The following CFAP43 variants were observed in gnomAD, a reference collection of about 807,000 sequenced individuals.
CFAP43 encodes the protein cilia- and flagella-associated protein 43.
A neutral mutation model predicts 218.9 loss-of-function variants in CFAP43; 155 were observed. The observed-to-expected ratio is 0.71, with a 90% CI of 0.62 to 0.81. The LOEUF is 0.81. Ranked by LOEUF, CFAP43 falls within the 30% of genes least tolerant of loss-of-function variation. CFAP43 has a pLI of 0.00. For missense variants in CFAP43, 1,778 were observed against 1,954.3 expected, an observed-to-expected ratio of 0.91 and a Z score of 1.70; for synonymous variants, 645 against 681.3, an observed-to-expected ratio of 0.95 and a Z score of 0.83.
intron 29 of CFAP43, 79 bp from the exon 30 acceptor site, chr10:104,146,428 G>T: frequency 9.5e-7 from 1 of 1,050,152 alleles, no homozygotes; most frequent in Non-Finnish European, 1.5e-6. Flanking sequence ...ACTAAAAAGA[G>T]CAAGGAATTT....
At position 104,143,512 on chromosome 10, in the gene CFAP43, T is replaced by C; in HGVS notation, c.4072A>G (p.Ile1358Val). Reference protein sequence around the residue: ...LMKAMDELDNISNMPEGLDPL... With the variant: ...LMKAMDELDNVSNMPEGLDPL... ...TCCAAGCCTTCTGGCATGTTACTAATATTGTCCAACTCATCCATAGCTTTC... is the reference window on the plus strand; with the variant it reads ...TCCAAGCCTTCTGGCATGTTACTAACATTGTCCAACTCATCCATAGCTTTC... Residue 1358 changes from isoleucine to valine, a missense_variant, in exon 32 of 38, where the codon ATT (isoleucine) becomes GTT (valine). By Grantham distance (29) the Ile-to-Val change is conservative. This residue lies in a region of CFAP43 where 1,553 missense variants were observed against 1,685.2 expected (regional missense o/e 0.92). Coordinates refer to ENST00000357060, the MANE Select transcript of CFAP43 (RefSeq NM_025145.7). 1 of 1,614,206 alleles carries C rather than the reference T, an allele frequency of 6.2e-7. No individual in the cohort carries two copies. The highest frequency in any genetic ancestry group is 8.5e-7 in the Non-Finnish European group (1 of 1,180,022).
Position 104,194,083 on chromosome 10 carries a change from T to G in CFAP43, c.1294-69A>C, listed in dbSNP as rs180968502. 16 of 1,552,912 alleles carry G rather than the reference T, an allele frequency of 1.0e-5. No homozygotes were observed. In the South Asian group the frequency reaches 1.8e-4, roughly 17 times the overall value. ...TCTCCTACACGTAAGAATGCTATTA[T>G]ACAGTGTACTTGAAAAGCCTGCAGG... On this transcript the variant is annotated intron_variant, in intron 10 of 37. Transcript: ENST00000357060.
intron 19 of CFAP43, 87 bp downstream of exon 19, chr10:104,178,942 G>T: frequency 1.1e-6 from 1 of 948,116 alleles, no homozygotes; most frequent in Non-Finnish European, 1.6e-6. Context: ...GGGAGGTATA[G>T]TTCCTCAGGG....
intron 3 of CFAP43, 106 bp downstream of exon 3, chr10:104,225,355 T>G: frequency 4.3e-6 from 4 of 931,140 alleles, no homozygotes; most frequent in Non-Finnish European, 6.3e-6. Context: ...TCCTTCTATA[T>G]TTCCTTGTTT....
At chr10:104,160,751 T>C (rs528331900) in intron 27 of CFAP43, among the ~76,000 whole-genome samples, 30 of 152,318 alleles carry the variant, frequency 2.0e-4, no homozygotes, top group African/African-American at 6.3e-4. Flanking sequence ...TAGGGGTTCA[T>C]TGAACACCTG....
At chr10:104,151,783 G>C (rs1168321892) in intron 28 of CFAP43, among the ~76,000 whole-genome samples, 1 of 151,964 alleles carries the variant, frequency 6.6e-6, no homozygotes, top group Non-Finnish European at 1.5e-5. Context: ...GGTTGCTTTT[G>C]GTATCTTCAT....
chr10:104,230,849 G>T lies in CFAP43; in HGVS notation c.66-6C>A. 6.3e-7 allele frequency: 1 copy of T among 1,599,764 alleles called. No individual in the cohort carries two copies. The highest frequency in any genetic ancestry group is 1.1e-5 in the South Asian group (1 of 88,230). ...TAGGGAATCCTTGCACCCATCTTTG[G>T]GAAAAGATATGTCAACATCAATATA... On this transcript the variant is annotated splice_polypyrimidine_tract_variant and splice_region_variant and intron_variant, in intron 1 of 37. Coordinates refer to ENST00000357060, the MANE Select transcript of CFAP43 (RefSeq NM_025145.7).
chr10:104,178,928 A>G (rs566327532), intron 19 of CFAP43, 101 bp downstream of exon 19: 1 of 766,326 alleles, frequency 1.3e-6, no homozygotes, highest in East Asian at 2.8e-5. Context: ...ACAAGCAGAG[A>G]AAAGGGAGGT....
At chr10:104,185,834 C>T in intron 15 of CFAP43, 140 bp downstream of exon 15, 1 of 626,402 alleles carries the variant, frequency 1.6e-6, no homozygotes, top group South Asian at 2.6e-5. Context: ...CTTCCAATGG[C>T]AAGCAAGGTA....
chr10:104,148,692 G>C (rs370626498), intron 28 of CFAP43, among the ~76,000 whole-genome samples: 1 of 152,200 alleles, frequency 6.6e-6, no homozygotes, highest in African/African-American at 2.4e-5. Flanking sequence ...CCTTCACCTG[G>C]CATAAATGGA....
chr10:104,197,019 A>G, intron 9 of CFAP43, 86 bp from the exon 10 acceptor site: 1 of 957,510 alleles, frequency 1.0e-6, no homozygotes, highest in East Asian at 2.6e-5. Flanking sequence ...CAGTGTGCCA[A>G]TGATTTAGTA....
intron 32 of CFAP43, 87 bp downstream of exon 32, chr10:104,143,338 AT>A: frequency 8.7e-7 from 1 of 1,146,028 alleles, no homozygotes; most frequent in Non-Finnish European, 1.2e-6. Context: ...AACCTAAATA[AT>A]TAGCTTTTTT....
chr10:104,212,658 T>C (rs2090899061), intron 4 of CFAP43, among the ~76,000 whole-genome samples: 1 of 152,236 alleles, frequency 6.6e-6, no homozygotes. Flanking sequence ...AATAAATATA[T>C]ATTTAAACAT....
chr10:104,228,303 CCTT>C (rs1241315502), intron 2 of CFAP43, among the ~76,000 whole-genome samples: 2 of 152,032 alleles, frequency 1.3e-5, no homozygotes, highest in Non-Finnish European at 2.9e-5. Context: ...TCCTCCTCCT[CCTT>C]CTCTTCCTCC....
chr10:104,187,296 G>T, intron 14 of CFAP43, 24 bp downstream of exon 14: 1 of 1,572,732 alleles, frequency 6.4e-7, no homozygotes, highest in South Asian at 1.2e-5. Context: ...AGATAAATGA[G>T]AGCACACTTA....
intron 19 of CFAP43, among the ~76,000 whole-genome samples, chr10:104,177,646 T>G (rs904238976): frequency 1.1e-4 from 16 of 151,646 alleles, no homozygotes; most frequent in Admixed American, 3.9e-4. Flanking sequence ...GGGAAGAGAG[T>G]CTTGGTTTGT....
chr10:104,232,339 G>A lies in CFAP43; in HGVS notation c.-93C>T. 1 of 1,300,324 alleles carries A rather than the reference G, an allele frequency of 7.7e-7. No homozygotes were observed. The highest frequency in any genetic ancestry group is 1.0e-6 in the Non-Finnish European group (1 of 973,434). 80.5% of individuals were successfully genotyped at this position (1,300,324 alleles called of 1,614,324 possible). A position where few individuals can be genotyped will look rare whatever the true frequency, so the allele number is the denominator to read the frequency against. Reference sequence around the variant, plus strand: ...CCGCCGCCGCGGGGCTGCGGGCCGCGACGCCGCTGCTGTGTACACCCGTAT... The same window carrying A: ...CCGCCGCCGCGGGGCTGCGGGCCGCAACGCCGCTGCTGTGTACACCCGTAT... On this transcript the variant is annotated 5_prime_UTR_variant, in exon 1 of 38. Coordinates refer to ENST00000357060, the MANE Select transcript of CFAP43 (RefSeq NM_025145.7).
Position 104,192,261 on chromosome 10 carries a change from T to C in CFAP43, c.1484A>G (p.Glu495Gly). The C allele has an allele frequency of 6.2e-7, 1 of 1,613,208 alleles. No individual in the cohort carries two copies. The highest frequency in any genetic ancestry group is 8.5e-7 in the Non-Finnish European group (1 of 1,179,748). ...GGCATTGATAATAAAGACTTTTCCT[T>C]CTGCTGTTCCAACTAACAGAAATAT... is the stretch of plus-strand genomic sequence containing the variant. ...QGIFLLVGTAEGKVFIINANS... is the reference protein window; with the variant it reads ...QGIFLLVGTAGGKVFIINANS... The change falls in exon 12 of 38, where the codon GAA becomes GGA. Residue 495 changes from glutamate to glycine, a missense_variant. This residue lies in a region of CFAP43 where 1,553 missense variants were observed against 1,685.2 expected (regional missense o/e 0.92). Transcript: ENST00000357060.
At chr10:104,147,619 C>A (rs1247601669) in intron 29 of CFAP43, among the ~76,000 whole-genome samples, 1 of 152,118 alleles carries the variant, frequency 6.6e-6, no homozygotes, top group Non-Finnish European at 1.5e-5. Context: ...AGCTATATGG[C>A]CTCATTTTAT....
Sources: gnomAD v4.1 joint callset for allele counts (sites outside exome capture counted in the v4.1 genomes callset) on GRCh38, gnomAD v4.1.1 for gene constraint, gnomAD v4.1.1 regional missense constraint, MANE v1.5 for transcripts, NCBI Gene and HGNC (gene_info 2026-07-23, HGNC 2026-07-21) for gene names.